Variants in COL5A1 observed in about 807,000 individuals in gnomAD.
COL5A1 encodes the protein collagen alpha-1(V) chain.
COL5A1 carries 16 observed loss-of-function variants against 263.7 expected under a neutral mutation model. That is an observed-to-expected ratio of 0.06 (90% CI 0.04 to 0.09). COL5A1 has a LOEUF of 0.09. Ranked by LOEUF, COL5A1 falls within the 10% of genes least tolerant of loss-of-function variation. COL5A1 has a pLI of 1.00. For missense variants in COL5A1, 2,036 were observed against 2,540.5 expected (o/e 0.80, Z 4.27); for synonymous variants, 1,012 against 1,004.5 (o/e 1.01, Z -0.14).
At chr9:134,662,078 A>G (rs765190778) in intron 1 of COL5A1, among the ~76,000 whole-genome samples, 1 of 151,780 alleles carries the variant, frequency 6.6e-6, no homozygotes, top group Non-Finnish European at 1.5e-5. Context: ...AGCCCAAATG[A>G]AATTACTGGG....
intron 31 of COL5A1, among the ~76,000 whole-genome samples, chr9:134,786,530 T>A (rs1837465877): frequency 6.6e-6 from 1 of 152,176 alleles, no homozygotes; most frequent in Admixed American, 6.5e-5. Context: ...CCCTGGGTTG[T>A]CCATACCCAG....
chr9:134,669,202 T>A (rs1308831075), intron 1 of COL5A1, among the ~76,000 whole-genome samples: 2 of 137,936 alleles, frequency 1.4e-5, no homozygotes, highest in East Asian at 4.3e-4. Flanking sequence ...CCTTTCCCTT[T>A]CCCTTTCCTT....
chr9:134,799,042 A>C (rs1838018700), intron 37 of COL5A1, among the ~76,000 whole-genome samples: 1 of 152,166 alleles, frequency 6.6e-6, no homozygotes, highest in African/African-American at 2.4e-5. Context: ...TTTTACACTA[A>C]AGAAAACAAG....
At chr9:134,816,509 G>T (rs1179985076) in intron 52 of COL5A1, among the ~76,000 whole-genome samples, 1 of 152,238 alleles carries the variant, frequency 6.6e-6, no homozygotes, top group East Asian at 1.9e-4. Context: ...AGATGCCCTT[G>T]CCCCACCTTG....
At chr9:134,726,876 T>A (rs567061331) in intron 4 of COL5A1, among the ~76,000 whole-genome samples, 36 of 150,720 alleles carry the variant, frequency 2.4e-4, no homozygotes, top group African/African-American at 8.6e-4. Flanking sequence ...GATGGATAGG[T>A]GAATGGGTGA....
At chr9:134,774,835 C>G in intron 26 of COL5A1, 24 bp from the exon 27 acceptor site, 2 of 1,612,112 alleles carry the variant, frequency 1.2e-6, no homozygotes, top group Non-Finnish European at 1.7e-6. Flanking sequence ...ATGGGGCTAA[C>G]GGTCTTTTTC....
chr9:134,657,675 G>C (rs1832062916), intron 1 of COL5A1, among the ~76,000 whole-genome samples: 1 of 150,836 alleles, frequency 6.6e-6, no homozygotes, highest in Non-Finnish European at 1.5e-5. Flanking sequence ...GGGGGGTGAG[G>C]GCTGTGGAAC....
chr9:134,767,533 C>T (rs1013764949), intron 24 of COL5A1, among the ~76,000 whole-genome samples, 179 bp downstream of exon 24: 2 of 152,154 alleles, frequency 1.3e-5, no homozygotes, highest in African/African-American at 2.4e-5. Context: ...ATTTTGGATC[C>T]GTGTCTCATT....
chr9:134,686,335 C>A lies in COL5A1; in HGVS notation c.110-4577C>A, dbSNP rs560468300. On this transcript the variant is annotated intron_variant, in intron 1 of 65. Transcript: ENST00000371817. The surrounding 1 kb of genome is among the most constrained non-coding windows in gnomAD (Gnocchi z 4.6). ...GTGACACGATCCTGGCTTACTGCAA[C>A]CTCCACCACCCAGGGTCAAACGAGC... Among the ~76,000 whole-genome samples the A allele has an allele frequency of 2.0e-5, 3 of 152,254 alleles. No homozygotes were observed. Among genetic ancestry groups the A allele is most frequent in the South Asian group, 4.2e-4 (2 of 4,810 alleles).
chr9:134,699,251 C>T (rs1297727269), intron 2 of COL5A1, among the ~76,000 whole-genome samples: 1 of 152,236 alleles, frequency 6.6e-6, no homozygotes. Context: ...CAAATTGCTC[C>T]TGGCATGTGT....
At position 134,642,275 on chromosome 9, in the gene COL5A1, G is replaced by T. The variant is rs973220674; in HGVS notation, c.88G>T (p.Ala30Ser). 3.4e-6 allele frequency: 4 copies of T among 1,189,870 alleles called. No homozygotes were observed. The African/African-American group carries it at 6.4e-5, about 19-fold the overall frequency. 73.7% of individuals were successfully genotyped at this position (1,189,870 alleles called of 1,614,324 possible). ...CCCGCTGCTGCTGCTGCTGCTGTGGGCGCCGCCTCCGAGCCGCGCAGGTAA... is the reference window on the plus strand; with the variant it reads ...CCCGCTGCTGCTGCTGCTGCTGTGGTCGCCGCCTCCGAGCCGCGCAGGTAA... ...LPPLLLLLLW[A>S]PPPSRAAQPA... The change falls in exon 1 of 66, where the codon GCG (alanine) becomes TCG (serine). Residue 30 changes from alanine to serine, a missense_variant. Physicochemically the swap from Ala to Ser is moderately conservative, Grantham distance 99. Transcript: ENST00000371817. The surrounding 1 kb of genome is among the most constrained non-coding windows in gnomAD (Gnocchi z 4.5).
intron 9 of COL5A1, among the ~76,000 whole-genome samples, chr9:134,736,781 G>T (rs745504771): frequency 1.1e-4 from 17 of 152,230 alleles, no homozygotes; most frequent in Non-Finnish European, 2.1e-4. Context: ...AATGAAACAA[G>T]CCTCATGCTT....
chr9:134,659,762 C>T (rs1244312550), intron 1 of COL5A1, among the ~76,000 whole-genome samples: 1 of 152,148 alleles, frequency 6.6e-6, no homozygotes, highest in Non-Finnish European at 1.5e-5. Flanking sequence ...GCTCCACAGG[C>T]GCCCCGAGTA....
chr9:134,745,272 A>T (rs761409812), intron 11 of COL5A1, among the ~76,000 whole-genome samples: 4 of 152,206 alleles, frequency 2.6e-5, no homozygotes, highest in Non-Finnish European at 5.9e-5. Context: ...CAGTTTGTGG[A>T]GAGAGAGGTG....
Position 134,817,994 on chromosome 9 carries a change from T to C in COL5A1, c.4230+163T>C, listed in dbSNP as rs144187808. On this transcript the variant is annotated intron_variant, in intron 54 of 65. Transcript: ENST00000371817. ...CCTACCTGGGGAGGAGACCTGGTTC[T>C]CTCTCAAGGAGGCAGCCAAGTGGTG... 8.5e-3 allele frequency among the ~76,000 whole-genome samples: 1,296 copies of C among 152,274 alleles called. 10 individuals are homozygous for C. Among genetic ancestry groups the C allele is most frequent in the African/African-American group, 0.022 (918 of 41,560 alleles).
At position 134,842,352 on chromosome 9, in the gene COL5A1, C is replaced by G; in HGVS notation, c.*49C>G. Reference sequence around the variant, plus strand: ...AGAGCAACCTCGTGACCTCAGCATGCCATTCGTTCGTGAGTGTCCCGTGCA... The same window carrying G: ...AGAGCAACCTCGTGACCTCAGCATGGCATTCGTTCGTGAGTGTCCCGTGCA... On this transcript the variant is annotated 3_prime_UTR_variant, in exon 66 of 66. Coordinates refer to ENST00000371817, the MANE Select transcript of COL5A1 (RefSeq NM_000093.5). The surrounding 1 kb of genome is among the most constrained non-coding windows in gnomAD (Gnocchi z 5.8). The G allele has an allele frequency of 6.2e-7, 1 of 1,608,510 alleles. No homozygotes were observed. Among genetic ancestry groups the G allele is most frequent in the Non-Finnish European group, 8.5e-7 (1 of 1,177,402 alleles).
Position 134,710,433 on chromosome 9 carries a change from C to T in COL5A1, c.654+9100C>T, listed in dbSNP as rs147627637. Among the ~76,000 whole-genome samples, 1,441 of 152,266 alleles carry T rather than the reference C, an allele frequency of 9.5e-3. 15 individuals carry two copies. The highest frequency in any genetic ancestry group is 0.02 in the Middle Eastern group (6 of 294). Reference sequence around the variant, plus strand: ...GCCAGGACCTAAGCCTGCTCCCCATCGAGACGCCCCGTCTGTTGGGTGCAG... The same window carrying T: ...GCCAGGACCTAAGCCTGCTCCCCATTGAGACGCCCCGTCTGTTGGGTGCAG... On this transcript the variant is annotated intron_variant, in intron 4 of 65. Coordinates refer to ENST00000371817, the MANE Select transcript of COL5A1 (RefSeq NM_000093.5).
intron 6 of COL5A1, among the ~76,000 whole-genome samples, chr9:134,729,532 G>T (rs1370803873): frequency 2.0e-5 from 3 of 151,076 alleles, no homozygotes; most frequent in Admixed American, 6.6e-5. Flanking sequence ...GTGAGCGTGT[G>T]TGCATGCGGG....
rs115384344 is a variant in COL5A1 at position 134,769,181 on chromosome 9, T to C, written c.2286+718T>C. 4.2e-3 allele frequency among the ~76,000 whole-genome samples: 645 copies of C among 152,366 alleles called. 4 individuals carry two copies. Among genetic ancestry groups the C allele is most frequent in the Middle Eastern group, 0.017 (5 of 294 alleles). On this transcript the variant is annotated intron_variant, in intron 25 of 65. Transcript: ENST00000371817. ...TTGAAGATGCAGTATGCTTTATGGT[T>C]TTAATAACACTGTTAAAAACTAAAC...
Sources: allele counts gnomAD v4.1 joint callset (sites outside exome capture counted in the v4.1 genomes callset), GRCh38; gene constraint gnomAD v4.1.1; non-coding constraint Gnocchi (gnomAD v3.1); transcripts MANE v1.5; gene names NCBI Gene and HGNC (gene_info 2026-07-23, HGNC 2026-07-21).